The following AHCTF1 variants were observed in gnomAD, a reference collection of about 807,000 sequenced individuals.
AHCTF1 encodes the protein protein ELYS.
Under a neutral mutation model 248.4 loss-of-function variants are expected in AHCTF1, and 24 were observed. The observed-to-expected ratio is 0.10, with a 90% confidence interval of 0.07 to 0.14. The LOEUF (loss-of-function observed/expected upper bound fraction) is 0.14. Ranked by LOEUF, AHCTF1 falls within the 10% of genes least tolerant of loss-of-function variation. AHCTF1 has a pLI of 1.00. For synonymous variants in AHCTF1, 786 were observed against 929.8 expected (o/e 0.85, Z 2.81); for missense variants, 2,206 against 2,636.2 (o/e 0.84, Z 3.57).
chr1:246,901,556 G>A (rs947127987), intron 8 of AHCTF1, among the ~76,000 whole-genome samples: 1 of 152,026 alleles, frequency 6.6e-6, no homozygotes, highest in Non-Finnish European at 1.5e-5. Context: ...CCCCGGAGGC[G>A]GAGCTTGCAG....
At chr1:246,898,372 C>T (rs759056251) in intron 11 of AHCTF1, 36 bp from the exon 12 acceptor site, 4 of 1,569,386 alleles carry the variant, frequency 2.5e-6, no homozygotes, top group Non-Finnish European at 2.6e-6. Flanking sequence ...TCAATCAATG[C>T]TCAATTTGAA....
At chr1:246,868,846 GTTTTTTTTT>G (rs563383895) in intron 24 of AHCTF1, among the ~76,000 whole-genome samples, 3 of 128,832 alleles carry the variant, frequency 2.3e-5, no homozygotes, top group South Asian at 4.7e-4. Flanking sequence ...TGTGTTTTTT[GTTTTTTTTT>G]TTTTTTTGAG....
At chr1:246,888,594 A>G (rs1047132823) in intron 17 of AHCTF1, 77 bp from the exon 18 acceptor site, 1 of 1,506,268 alleles carries the variant, frequency 6.6e-7, no homozygotes, top group Non-Finnish European at 9.0e-7. Context: ...CAAAATATTA[A>G]AAGTAATAAT....
intron 14 of AHCTF1, among the ~76,000 whole-genome samples, chr1:246,892,399 C>A (rs1664273467): frequency 6.9e-6 from 1 of 144,906 alleles, no homozygotes; most frequent in Non-Finnish European, 1.5e-5. Flanking sequence ...CCGCTCACTG[C>A]AACCTCTACC....
At chr1:246,901,207 G>T (rs1353257778) in intron 8 of AHCTF1, among the ~76,000 whole-genome samples, 1 of 152,112 alleles carries the variant, frequency 6.6e-6, no homozygotes, top group Non-Finnish European at 1.5e-5. Flanking sequence ...CGGGCATTGT[G>T]GCATGCACCT....
intron 19 of AHCTF1, among the ~76,000 whole-genome samples, chr1:246,887,632 AAT>A (rs1160520577): frequency 6.6e-6 from 1 of 152,234 alleles, no homozygotes; most frequent in Non-Finnish European, 1.5e-5. Context: ...TAGCTCAGTA[AAT>A]ACAAGAAACA....
chr1:246,863,841 T>C, intron 27 of AHCTF1, 83 bp downstream of exon 27: 2 of 1,394,074 alleles, frequency 1.4e-6, no homozygotes, highest in South Asian at 2.4e-5. Context: ...GTATCAGTTA[T>C]AAATTGCTTA....
At chr1:246,888,553 C>A in intron 17 of AHCTF1, 36 bp from the exon 18 acceptor site, 1 of 1,607,158 alleles carries the variant, frequency 6.2e-7, no homozygotes, top group South Asian at 1.1e-5. Context: ...TATTTAATAT[C>A]ACTGTTAATT....
Position 246,851,101 on chromosome 1 carries a change from A to G in AHCTF1, c.4905T>C (p.His1635=), listed in dbSNP as rs774406381. ...CAGATGGCAAATTTGCAATTTGTCCATGATTATCATTTTCCCCACTGCATA... is the reference window on the plus strand; with the variant it reads ...CAGATGGCAAATTTGCAATTTGTCCGTGATTATCATTTTCCCCACTGCATA... The part of the protein sequence containing the change: ...KLVCSGENDN[H]GQIANLPSAV... Residue 1635 remains histidine (H), a synonymous_variant, in exon 33 of 36, where the codon CAT becomes CAC. Coordinates refer to ENST00000648844, the MANE Select transcript of AHCTF1 (RefSeq NM_001323342.2). 31 of 1,613,812 alleles carry G rather than the reference A, an allele frequency of 1.9e-5. No homozygotes were observed. The highest frequency in any genetic ancestry group is 1.3e-4 in the Admixed American group (8 of 59,978).
At chr1:246,883,023 G>A (rs867415911) in intron 21 of AHCTF1, among the ~76,000 whole-genome samples, 20 of 152,302 alleles carry the variant, frequency 1.3e-4, no homozygotes, top group African/African-American at 4.8e-4. Context: ...GCTACAATAA[G>A]TGCTGTTTCA....
intron 32 of AHCTF1, among the ~76,000 whole-genome samples, chr1:246,852,219 A>C (rs967557769): frequency 6.6e-6 from 1 of 152,196 alleles, no homozygotes; most frequent in African/African-American, 2.4e-5. Context: ...CACCATACCC[A>C]CAACTCTTAT....
At chr1:246,904,531 C>T (rs1665245341) in intron 6 of AHCTF1, among the ~76,000 whole-genome samples, 1 of 152,054 alleles carries the variant, frequency 6.6e-6, no homozygotes, top group Non-Finnish European at 1.5e-5. Context: ...GCTATTTTTA[C>T]TTAAAATGTA....
At chr1:246,898,994 C>T (rs1664801035) in intron 11 of AHCTF1, among the ~76,000 whole-genome samples, 1 of 152,164 alleles carries the variant, frequency 6.6e-6, no homozygotes, top group Non-Finnish European at 1.5e-5. Context: ...GTGGCGGAGG[C>T]AGAAGAATCA....
chr1:246,843,673 T>C, intron 34 of AHCTF1, 122 bp downstream of exon 34: 1 of 878,982 alleles, frequency 1.1e-6, no homozygotes, highest in Non-Finnish European at 1.5e-6. Context: ...TTAAGACATT[T>C]ATTTAAATAA....
At chr1:246,884,044 A>G (rs1290563441) in intron 21 of AHCTF1, among the ~76,000 whole-genome samples, 2 of 152,210 alleles carry the variant, frequency 1.3e-5, no homozygotes, top group Admixed American at 6.5e-5. Context: ...TAACATCACT[A>G]AACAGTGAGA....
intron 6 of AHCTF1, among the ~76,000 whole-genome samples, chr1:246,905,004 A>G (rs1558265664): frequency 6.6e-6 from 1 of 152,188 alleles, no homozygotes; most frequent in Non-Finnish European, 1.5e-5. Flanking sequence ...AAGGCTCTCA[A>G]TCTGTGAAAA....
chr1:246,891,668 A>G, intron 15 of AHCTF1, 111 bp downstream of exon 15: 1 of 1,161,514 alleles, frequency 8.6e-7, no homozygotes, highest in Non-Finnish European at 1.2e-6. Context: ...CTGGAGAAAT[A>G]AAGTCCTCTT....
chr1:246,906,703 CAAAT>C (rs992142909), intron 5 of AHCTF1, among the ~76,000 whole-genome samples: 152 of 152,130 alleles, frequency 1.0e-3, no homozygotes, highest in African/African-American at 3.4e-3. Flanking sequence ...AATGGAGAAA[CAAAT>C]AAATTGACAA....
In AHCTF1 at chr1:246,857,772, G is replaced by A. The variant is rs1386111020; in HGVS notation, c.4175C>T (p.Ala1392Val). ...DAETKDLLVA[A>V]EAFSELNHLS... is the part of the protein sequence containing the mutation. ...GTGATTCAATTCTGAAAATGCCTCT[G>A]CTGCAACTAAGAGATCCTTTGTTTC... The change falls in exon 30 of 36, where the codon GCA (alanine) becomes GTA (valine). Residue 1392 changes from alanine to valine, a missense_variant. Transcript: ENST00000648844. 1.2e-6 allele frequency: 2 copies of A among 1,613,582 alleles called. No homozygotes were observed. Among genetic ancestry groups the A allele is most frequent in the Admixed American group, 1.7e-5 (1 of 60,014 alleles).
Sources: allele counts gnomAD v4.1 joint callset (sites outside exome capture counted in the v4.1 genomes callset), GRCh38; gene constraint gnomAD v4.1.1; transcripts MANE v1.5; gene names NCBI Gene and HGNC (gene_info 2026-07-23, HGNC 2026-07-21).